LINGO2: variants seen among roughly 807,000 people sequenced by gnomAD.
The protein encoded by LINGO2 is leucine-rich repeat and immunoglobulin-like domain-containing nogo receptor-interacting protein 2.
A neutral mutation model predicts 30.6 loss-of-function variants in LINGO2; 14 were observed. The observed-to-expected ratio is 0.46, with a 90% CI of 0.30 to 0.72. LINGO2 has a LOEUF of 0.72. Ranked by LOEUF, LINGO2 falls within the 30% of genes least tolerant of loss-of-function variation. LINGO2 has a pLI of 0.07. For synonymous variants in LINGO2, 317 were observed against 288.5 expected, an observed-to-expected ratio of 1.10 and a Z score of -1.00; for missense variants, 729 against 751.7, an observed-to-expected ratio of 0.97 and a Z score of 0.35.
At chr9:28,284,720 GT>G (rs1823445347) in intron 4 of LINGO2, among the ~76,000 whole-genome samples, 1 of 152,088 alleles carries the variant, frequency 6.6e-6, no homozygotes, top group African/African-American at 2.4e-5. Flanking sequence ...AGGATTATTT[GT>G]TTGCTACTGT....
the LINGO2 span, among the ~76,000 whole-genome samples, chr9:28,907,393 G>A: frequency 3.3e-5 from 5 of 151,964 alleles, no homozygotes; most frequent in East Asian, 7.7e-4. Context: ...GAATAGAAAA[G>A]GGTCTTTCAG....
chr9:28,083,046 C>T (rs1825815987), intron 4 of LINGO2, among the ~76,000 whole-genome samples: 1 of 152,218 alleles, frequency 6.6e-6, no homozygotes, highest in Non-Finnish European at 1.5e-5. Context: ...TCCTTCCTTA[C>T]TTGCCTGATT....
At chr9:28,731,206 C>T in the LINGO2 span, among the ~76,000 whole-genome samples, 3 of 152,038 alleles carry the variant, frequency 2.0e-5, no homozygotes, top group Non-Finnish European at 2.9e-5. Flanking sequence ...TCAGGCTGGT[C>T]TTGAACTCCC....
the LINGO2 span, among the ~76,000 whole-genome samples, chr9:28,800,061 T>C: frequency 8.5e-5 from 13 of 152,138 alleles, no homozygotes; most frequent in Non-Finnish European, 1.6e-4. Flanking sequence ...GTATTTGACA[T>C]GTTGATGCTT....
chr9:28,517,129 T>C (rs988973249), intron 1 of LINGO2, among the ~76,000 whole-genome samples: 4 of 152,214 alleles, frequency 2.6e-5, no homozygotes, highest in African/African-American at 9.6e-5. Context: ...AACACTGTGA[T>C]TCTTCATTCA....
intron 2 of LINGO2, among the ~76,000 whole-genome samples, chr9:28,391,255 T>C (rs939946286): frequency 1.3e-5 from 2 of 152,236 alleles, no homozygotes; most frequent in African/African-American, 4.8e-5. Context: ...ATTTTCATCA[T>C]CAGAGAGTTT....
chr9:28,325,947 C>A (rs1179901283), intron 3 of LINGO2, among the ~76,000 whole-genome samples: 1 of 152,172 alleles, frequency 6.6e-6, no homozygotes, highest in African/African-American at 2.4e-5. Flanking sequence ...TAAATAAAGT[C>A]ATCCTTGCCT....
intron 1 of LINGO2, among the ~76,000 whole-genome samples, chr9:28,480,227 T>A (rs1297866056): frequency 6.6e-6 from 1 of 151,776 alleles, no homozygotes; most frequent in Non-Finnish European, 1.5e-5. Flanking sequence ...AGAGGTTTAA[T>A]AAGAGCTGGT....
At chr9:28,297,877 T>C (rs1823983020) in intron 3 of LINGO2, among the ~76,000 whole-genome samples, 3 of 152,236 alleles carry the variant, frequency 2.0e-5, no homozygotes, top group Non-Finnish European at 2.9e-5. Flanking sequence ...TCCTGTGTGC[T>C]CTGCATCACA....
At chr9:28,192,538 T>C (rs1211006749) in intron 4 of LINGO2, among the ~76,000 whole-genome samples, 21 of 152,134 alleles carry the variant, frequency 1.4e-4, no homozygotes, top group Admixed American at 1.4e-3. Context: ...TGTGTGTCTC[T>C]GATTGTGATA....
the LINGO2 span, among the ~76,000 whole-genome samples, chr9:29,200,379 T>G: frequency 2.0e-5 from 3 of 152,044 alleles, no homozygotes; most frequent in African/African-American, 4.8e-5. Flanking sequence ...ATTAAATCAG[T>G]AACTATTCAA....
chr9:29,038,487 T>A, the LINGO2 span, among the ~76,000 whole-genome samples: 8 of 152,042 alleles, frequency 5.3e-5, no homozygotes, highest in African/African-American at 1.9e-4. Context: ...ATGCCATGAC[T>A]GTGTTTCTCA....
chr9:28,158,883 A>G (rs10812748), intron 4 of LINGO2, among the ~76,000 whole-genome samples: 60,893 of 152,094 alleles, frequency 0.4, 13,093 homozygotes, highest in East Asian at 0.62. Context: ...TTTTACTTCC[A>G]TTGTAAACAC....
At chr9:28,159,806 A>C (rs1405720874) in intron 4 of LINGO2, among the ~76,000 whole-genome samples, 1 of 152,198 alleles carries the variant, frequency 6.6e-6, no homozygotes, top group Non-Finnish European at 1.5e-5. Context: ...ATTATTTCAA[A>C]TACAGTTCAC....
At chr9:27,950,825 GA>G in intron 5 of LINGO2, 119 bp from the exon 7 acceptor site, 1 of 487,194 alleles carries the variant, frequency 2.1e-6, no homozygotes. Context: ...GAATCAATCA[GA>G]TTTGGGCATA....
intron 4 of LINGO2, among the ~76,000 whole-genome samples, chr9:28,111,995 G>C (rs567754946): frequency 1.4e-5 from 2 of 139,106 alleles, no homozygotes; most frequent in Non-Finnish European, 3.1e-5. Context: ...TGCCATGCTG[G>C]TGCGCTGCAC....
At chr9:29,037,595 T>C in the LINGO2 span, among the ~76,000 whole-genome samples, 26 of 152,144 alleles carry the variant, frequency 1.7e-4, no homozygotes, top group African/African-American at 6.3e-4. Flanking sequence ...ATATGAAGAT[T>C]AAAATATTAT....
chr9:29,157,155 C>T, the LINGO2 span, among the ~76,000 whole-genome samples: 9 of 152,000 alleles, frequency 5.9e-5, no homozygotes, highest in African/African-American at 1.2e-4. Context: ...TGTCATTGAG[C>T]GTATGATATT....
At chr9:28,959,551 C>G in the LINGO2 span, among the ~76,000 whole-genome samples, 2 of 150,778 alleles carry the variant, frequency 1.3e-5, no homozygotes, top group African/African-American at 4.9e-5. Context: ...TTATTTATCA[C>G]TCATATTCTC....
Sources: gnomAD v4.1 joint callset for allele counts (sites outside exome capture counted in the v4.1 genomes callset) on GRCh38, gnomAD v4.1.1 for gene constraint, MANE v1.5 for transcripts, NCBI Gene and HGNC (gene_info 2026-07-23, HGNC 2026-07-21) for gene names.